LRRC4C: variants seen among roughly 807,000 people sequenced by gnomAD.
LRRC4C encodes leucine rich repeat containing 4C.
A neutral mutation model predicts 33.6 loss-of-function variants in LRRC4C; 5 were observed. The ratio of observed to expected loss-of-function variants is 0.15; its 90% confidence interval spans 0.08 to 0.31. LRRC4C has a LOEUF of 0.31. Ranked by LOEUF, LRRC4C falls within the 10% of genes least tolerant of loss-of-function variation. The probability of loss-of-function intolerance (pLI) is 1.00; values close to 1 mark genes in which losing one functional copy is unlikely to be tolerated. For missense variants in LRRC4C, 560 were observed against 796.7 expected (o/e 0.70, Z 3.58); for synonymous variants, 329 against 302.0 (o/e 1.09, Z -0.93).
intron 3 of LRRC4C, among the ~76,000 whole-genome samples, chr11:40,383,942 ATTAT>A (rs1949001751): frequency 6.8e-6 from 1 of 148,100 alleles, no homozygotes; most frequent in Non-Finnish European, 1.5e-5. Flanking sequence ...TATTATTATT[ATTAT>A]TATTATTTTG....
chr11:41,246,971 T>G (rs1378143138), intron 1 of LRRC4C, among the ~76,000 whole-genome samples: 1 of 152,216 alleles, frequency 6.6e-6, no homozygotes, highest in African/African-American at 2.4e-5. Flanking sequence ...AAAATGCCAC[T>G]TACTGCAAAT....
At position 40,633,341 on chromosome 11, in the gene LRRC4C, C is replaced by CTTT. The variant is rs1320302960; in HGVS notation, c.-270+14798_-270+14800dup. Among the ~76,000 whole-genome samples, 6 of 31,170 alleles carry CTTT rather than the reference C, an allele frequency of 1.9e-4. No individual in the cohort carries two copies. The South Asian group carries it at 3.1e-3, about 16-fold the overall frequency. 20.4% of individuals were successfully genotyped at this position (31,170 alleles called of 152,430 possible). On this transcript the variant is annotated intron_variant, in intron 3 of 6. Coordinates refer to ENST00000528697, the MANE Select transcript of LRRC4C (RefSeq NM_001258419.2). ...AAGTTTTCTTTTTCTTTCTTTCTTT[C>CTTT]TTTCTTTCTTTCTTTCTTTCTTTCT...
rs183173321 is a variant in LRRC4C at position 40,255,018 on chromosome 11, C to T, written c.-175-13420G>A. Among the ~76,000 whole-genome samples, 7 of 152,168 alleles carry T rather than the reference C, an allele frequency of 4.6e-5. No individual in the cohort carries two copies. The East Asian group carries it at 1.2e-3, about 25-fold the overall frequency. On this transcript the variant is annotated intron_variant, in intron 4 of 6. Coordinates refer to ENST00000528697, the MANE Select transcript of LRRC4C (RefSeq NM_001258419.2). ...CTATAGTGACAGGGTTTCTATGCTG[C>T]CCAGGCTGGCCTCAAACTCCTGACC... is the stretch of plus-strand genomic sequence containing the variant.
chr11:41,133,685 C>G (rs1943126117), intron 1 of LRRC4C, among the ~76,000 whole-genome samples: 1 of 151,982 alleles, frequency 6.6e-6, no homozygotes, highest in South Asian at 2.1e-4. Flanking sequence ...CTCTTTGTGA[C>G]AATAAAGTAC....
At chr11:41,021,752 T>C (rs534249284) in intron 1 of LRRC4C, among the ~76,000 whole-genome samples, 200 of 152,176 alleles carry the variant, frequency 1.3e-3, no homozygotes, top group Non-Finnish European at 2.0e-3. Context: ...TTTGTCTCTA[T>C]GTGACTAACC....
intron 3 of LRRC4C, among the ~76,000 whole-genome samples, chr11:40,584,269 T>A (rs1009462739): frequency 1.3e-4 from 19 of 146,832 alleles, no homozygotes; most frequent in African/African-American, 4.5e-4. Context: ...GCAGCTTCCA[T>A]GTCTATGACC....
intron 1 of LRRC4C, among the ~76,000 whole-genome samples, chr11:41,028,147 C>T (rs1278488618): frequency 6.6e-6 from 1 of 151,382 alleles, no homozygotes; most frequent in Non-Finnish European, 1.5e-5. Flanking sequence ...ATTCTTTAAA[C>T]TGGAAGGATC....
At chr11:41,124,368 C>G (rs1227272002) in intron 1 of LRRC4C, among the ~76,000 whole-genome samples, 3 of 152,142 alleles carry the variant, frequency 2.0e-5, no homozygotes, top group Admixed American at 1.3e-4. Flanking sequence ...AAGTACTTTT[C>G]AGTAAAAAAT....
chr11:40,394,975 C>T (rs1949483185), intron 3 of LRRC4C, among the ~76,000 whole-genome samples: 1 of 152,034 alleles, frequency 6.6e-6, no homozygotes, highest in African/African-American at 2.4e-5. Context: ...CCTTCAGAAA[C>T]TGAATTATTT....
At chr11:41,400,279 G>A (rs1953976121) in intron 1 of LRRC4C, among the ~76,000 whole-genome samples, 1 of 151,938 alleles carries the variant, frequency 6.6e-6, no homozygotes, top group East Asian at 1.9e-4. Context: ...CATATAACGT[G>A]TTGAGCTCAG....
chr11:40,521,087 T>C (rs910171242), intron 3 of LRRC4C, among the ~76,000 whole-genome samples: 2 of 152,224 alleles, frequency 1.3e-5, no homozygotes, highest in East Asian at 1.9e-4. Flanking sequence ...ATTTGTGAAA[T>C]GTAGGAGAAA....
At chr11:40,382,346 T>C (rs983396420) in intron 3 of LRRC4C, among the ~76,000 whole-genome samples, 3 of 151,630 alleles carry the variant, frequency 2.0e-5, no homozygotes, top group Non-Finnish European at 2.9e-5. Flanking sequence ...GATGGCCTTT[T>C]CCTTTTTTTA....
At chr11:41,432,000 G>C (rs1955254525) in intron 1 of LRRC4C, among the ~76,000 whole-genome samples, 3 of 152,136 alleles carry the variant, frequency 2.0e-5, no homozygotes, top group African/African-American at 7.2e-5. Flanking sequence ...CGCTAGAGGG[G>C]CCATTGGCCA....
At chr11:40,572,825 A>G (rs1958037561) in intron 3 of LRRC4C, among the ~76,000 whole-genome samples, 1 of 152,218 alleles carries the variant, frequency 6.6e-6, no homozygotes, top group African/African-American at 2.4e-5. Context: ...CACATGCACT[A>G]TTACGATATG....
At chr11:40,514,809 A>G (rs549695776) in intron 3 of LRRC4C, among the ~76,000 whole-genome samples, 43 of 152,276 alleles carry the variant, frequency 2.8e-4, no homozygotes, top group African/African-American at 9.9e-4. Flanking sequence ...TAAAAGTTTG[A>G]GAAGTTAATT....
intron 3 of LRRC4C, among the ~76,000 whole-genome samples, chr11:40,630,795 C>A (rs1340719760): frequency 6.6e-6 from 1 of 152,076 alleles, no homozygotes; most frequent in Non-Finnish European, 1.5e-5. Flanking sequence ...ATGACCAAGG[C>A]ATTAGTAATC....
chr11:40,657,600 A>C (rs1053896197), intron 2 of LRRC4C, among the ~76,000 whole-genome samples: 8 of 152,188 alleles, frequency 5.3e-5, no homozygotes, highest in Admixed American at 3.9e-4. Context: ...CCTATCTGTG[A>C]CCTGGAAGGC....
intron 2 of LRRC4C, among the ~76,000 whole-genome samples, chr11:40,703,771 G>A (rs1462482256): frequency 2.6e-5 from 4 of 152,110 alleles, no homozygotes; most frequent in African/African-American, 9.7e-5. Context: ...ACTAAATTAC[G>A]CAGTAGTTGA....
intron 1 of LRRC4C, among the ~76,000 whole-genome samples, chr11:40,994,762 C>T (rs1016829354): frequency 6.6e-6 from 1 of 151,704 alleles, no homozygotes; most frequent in African/African-American, 2.4e-5. Context: ...CTTTCCTTTA[C>T]TCTCGCCGGT....
Sources: allele counts gnomAD v4.1 joint callset (sites outside exome capture counted in the v4.1 genomes callset), GRCh38; gene constraint gnomAD v4.1.1; transcripts MANE v1.5; gene names NCBI Gene and HGNC (gene_info 2026-07-23, HGNC 2026-07-21).